RABGAP1L: variants seen among roughly 807,000 people sequenced by gnomAD.
The protein encoded by RABGAP1L is RAB GTPase activating protein 1 like.
A neutral mutation model predicts 137.7 loss-of-function variants in RABGAP1L; 63 were observed. That is an observed-to-expected ratio of 0.46 (90% CI 0.37 to 0.56). RABGAP1L has a LOEUF of 0.56. Ranked by LOEUF, RABGAP1L falls within the 20% of genes least tolerant of loss-of-function variation. RABGAP1L has a pLI of 0.00. For missense variants in RABGAP1L, 1,095 were observed against 1,244.0 expected (o/e 0.88, Z 1.80); for synonymous variants, 431 against 433.7 (o/e 0.99, Z 0.08).
chr1:174,886,686 G>GT (rs1170484097), intron 19 of RABGAP1L, among the ~76,000 whole-genome samples: 25 of 152,152 alleles, frequency 1.6e-4, no homozygotes, highest in African/African-American at 5.8e-4. Flanking sequence ...ATGCCTTCTA[G>GT]TTTCAGTTTC....
At chr1:174,438,993 G>A (rs1244722953) in intron 13 of RABGAP1L, among the ~76,000 whole-genome samples, 1 of 150,936 alleles carries the variant, frequency 6.6e-6, no homozygotes, top group African/African-American at 2.4e-5. Flanking sequence ...GTGGGCTCTT[G>A]GGAAGACATT....
chr1:174,342,913 A>G (rs939811559), intron 11 of RABGAP1L, among the ~76,000 whole-genome samples: 13 of 152,018 alleles, frequency 8.6e-5, no homozygotes, highest in African/African-American at 2.9e-4. Context: ...TAATTTTTGT[A>G]TTTTTAGTAG....
At chr1:174,632,509 C>T (rs1002347936) in intron 13 of RABGAP1L, among the ~76,000 whole-genome samples, 3 of 150,556 alleles carry the variant, frequency 2.0e-5, no homozygotes, top group Admixed American at 6.6e-5. Context: ...GTTCCATTCT[C>T]TGCATCACTT....
At chr1:174,356,517 T>C (rs1683652662) in intron 11 of RABGAP1L, among the ~76,000 whole-genome samples, 1 of 152,160 alleles carries the variant, frequency 6.6e-6, no homozygotes, top group African/African-American at 2.4e-5. Flanking sequence ...CAATTAATAC[T>C]GATTCTGAAA....
intron 7 of RABGAP1L, among the ~76,000 whole-genome samples, chr1:174,256,601 T>A (rs1673148179): frequency 1.3e-5 from 2 of 152,116 alleles, no homozygotes; most frequent in Admixed American, 1.3e-4. Flanking sequence ...ACCAACATGG[T>A]GAAACCCCGT....
At chr1:174,300,856 ACT>A (rs1677630894) in intron 10 of RABGAP1L, among the ~76,000 whole-genome samples, 1 of 152,100 alleles carries the variant, frequency 6.6e-6, no homozygotes, top group Non-Finnish European at 1.5e-5. Flanking sequence ...ACAGAGTGAG[ACT>A]CTATCTCAAA....
At chr1:174,490,138 G>T (rs1378228016) in intron 13 of RABGAP1L, among the ~76,000 whole-genome samples, 1 of 152,028 alleles carries the variant, frequency 6.6e-6, no homozygotes, top group Non-Finnish European at 1.5e-5. Context: ...TATGTTGATG[G>T]TTGTAGATAT....
intron 13 of RABGAP1L, among the ~76,000 whole-genome samples, chr1:174,587,419 T>C (rs1321553984): frequency 2.0e-5 from 3 of 150,740 alleles, no homozygotes; most frequent in Non-Finnish European, 4.4e-5. Context: ...ATTGTGCACA[T>C]GTACCCTAAA....
chr1:174,977,686 AT>A (rs1225940784), intron 22 of RABGAP1L, among the ~76,000 whole-genome samples: 2 of 152,200 alleles, frequency 1.3e-5, no homozygotes, highest in East Asian at 3.8e-4. Context: ...GCTTAGATAA[AT>A]TTAGTGACCC....
At chr1:174,484,901 AT>A (rs2149339125) in intron 13 of RABGAP1L, among the ~76,000 whole-genome samples, 1 of 152,246 alleles carries the variant, frequency 6.6e-6, no homozygotes, top group African/African-American at 2.4e-5. Flanking sequence ...TATCTTTGGT[AT>A]TTTGATAGGG....
chr1:174,891,708 T>C (rs142344385), intron 19 of RABGAP1L, among the ~76,000 whole-genome samples: 3 of 152,274 alleles, frequency 2.0e-5, no homozygotes, highest in East Asian at 3.9e-4. Context: ...TCTCGCTATG[T>C]TGCTCAGGCT....
intron 14 of RABGAP1L, among the ~76,000 whole-genome samples, chr1:174,640,626 C>T (rs780179952): frequency 6.6e-6 from 1 of 152,056 alleles, no homozygotes; most frequent in Non-Finnish European, 1.5e-5. Flanking sequence ...AGTTTCTATT[C>T]TGGACACCCC....
chr1:174,905,455 A>G (rs1177208451), intron 19 of RABGAP1L, among the ~76,000 whole-genome samples: 1 of 152,236 alleles, frequency 6.6e-6, no homozygotes. Context: ...TTAGAACTAA[A>G]GAATACCTTT....
At chr1:174,807,978 C>CTTTT (rs144433289) in intron 18 of RABGAP1L, among the ~76,000 whole-genome samples, 3 of 94,600 alleles carry the variant, frequency 3.2e-5, no homozygotes, top group Non-Finnish European at 4.9e-5. Context: ...ACAACAAATT[C>CTTTT]TTTTTTTTTT....
intron 19 of RABGAP1L, among the ~76,000 whole-genome samples, chr1:174,853,745 A>G (rs1485150311): frequency 1.3e-5 from 2 of 152,082 alleles, no homozygotes; most frequent in Non-Finnish European, 2.9e-5. Context: ...CAAAAAAACA[A>G]AAAAAACAAA....
At chr1:174,816,147 C>CTTTTTTTTTTTTTT (rs67065448) in intron 19 of RABGAP1L, among the ~76,000 whole-genome samples, 1 of 86,188 alleles carries the variant, frequency 1.2e-5, no homozygotes, top group Non-Finnish European at 2.1e-5. Context: ...TAATACATAG[C>CTTTTTTTTTTTTTT]TTTTTTTTTT....
At chr1:174,595,805 T>G (rs1669843844) in intron 13 of RABGAP1L, among the ~76,000 whole-genome samples, 1 of 78,548 alleles carries the variant, frequency 1.3e-5, no homozygotes, top group Non-Finnish European at 2.2e-5. Context: ...CTGCTGTCTT[T>G]TTGTTTGTCT....
At chr1:174,738,630 A>G (rs1683146304) in intron 17 of RABGAP1L, among the ~76,000 whole-genome samples, 1 of 152,196 alleles carries the variant, frequency 6.6e-6, no homozygotes, top group African/African-American at 2.4e-5. Context: ...TTTACTGTTT[A>G]GGAATCTTAC....
intron 7 of RABGAP1L, among the ~76,000 whole-genome samples, chr1:174,254,362 G>A (rs957832039): frequency 6.6e-6 from 1 of 152,136 alleles, no homozygotes; most frequent in African/African-American, 2.4e-5. Context: ...GGATACATGT[G>A]CAGAACATGC....
Sources: gnomAD v4.1 joint callset for allele counts (sites outside exome capture counted in the v4.1 genomes callset) on GRCh38, gnomAD v4.1.1 for gene constraint, MANE v1.5 for transcripts, NCBI Gene and HGNC (gene_info 2026-07-23, HGNC 2026-07-21) for gene names.